NAB1: variants seen among roughly 807,000 people sequenced by gnomAD.
NAB1 encodes the protein NGFI-A-binding protein 1.
Under a neutral mutation model 49.9 loss-of-function variants are expected in NAB1, and 25 were observed. The observed-to-expected ratio is 0.50, with a 90% confidence interval of 0.37 to 0.70. NAB1 has a LOEUF of 0.70. Among genes scored for constraint, NAB1 ranks in the 30% least tolerant of loss-of-function variants. The pLI, the probability that NAB1 is intolerant of heterozygous loss-of-function variation, is 0.00. For missense variants in NAB1, 489 were observed against 575.9 expected, an observed-to-expected ratio of 0.85 and a Z score of 1.54; for synonymous variants, 198 against 215.6, an observed-to-expected ratio of 0.92 and a Z score of 0.71.
At position 190,679,236 on chromosome 2, in the gene NAB1, T is replaced by C. The variant is rs3771317; in HGVS notation, c.1006-4502T>C. ...AGTTTCTTGGGAATGTTCTTACTTT[T>C]ATTTCTAAGTCATATATTTTGGGGA... On this transcript the variant is annotated intron_variant, in intron 6 of 9. Coordinates refer to ENST00000337386, the MANE Select transcript of NAB1 (RefSeq NM_005966.4). The surrounding 1 kb of genome is among the most constrained non-coding windows in gnomAD (Gnocchi z 5.3). Among the ~76,000 whole-genome samples the C allele has an allele frequency of 0.19, 29,006 of 152,152 alleles. 3,407 individuals are homozygous for C. The highest frequency in any genetic ancestry group is 0.41 in the East Asian group (2,136 of 5,172).
chr2:190,664,382 C>T (rs1279672334), intron 4 of NAB1, among the ~76,000 whole-genome samples: 1 of 149,850 alleles, frequency 6.7e-6, no homozygotes, highest in Non-Finnish European at 1.5e-5. Context: ...TTCACTTTGT[C>T]ACCCTAGCTG....
At position 190,655,959 on chromosome 2, in the gene NAB1, T is replaced by C. The variant is rs916013628; in HGVS notation, c.-196-18T>C. The C allele has an allele frequency of 6.6e-6, 1 of 152,240 alleles. No individual in the cohort carries two copies. Among genetic ancestry groups the C allele is most frequent in the Non-Finnish European group, 1.5e-5 (1 of 68,052 alleles). The allele number at this position is 152,240 out of a possible 1,614,324, so 9.4% of individuals were successfully genotyped here. On this transcript the variant is annotated intron_variant, in intron 2 of 9. Transcript: ENST00000337386. ...TTTAATTCCTCTTCCCCTAACATCA[T>C]TGGGATTCTTTTTATAGGACTGAGC... is the stretch of plus-strand genomic sequence containing the variant.
Position 190,649,659 on chromosome 2 carries a change from G to C in NAB1, c.-333-187G>C, listed in dbSNP as rs539401681. ...GGTGCCGAGTCCGTTTTGCTAACGG[G>C]GCTGGGGGCGTCACACGGCGCTCTG... On this transcript the variant is annotated intron_variant, in intron 1 of 9. Coordinates refer to ENST00000337386, the MANE Select transcript of NAB1 (RefSeq NM_005966.4). The surrounding 1 kb of genome is among the most constrained non-coding windows in gnomAD (Gnocchi z 6.1). The C allele has an allele frequency of 6.6e-6, 1 of 152,230 alleles. No individual in the cohort carries two copies. The highest frequency in any genetic ancestry group is 6.5e-5 in the Admixed American group (1 of 15,284). The allele number at this position is 152,230 out of a possible 1,614,324, so 9.4% of individuals were successfully genotyped here.
At chr2:190,661,249 G>T (rs192679018) in intron 4 of NAB1, among the ~76,000 whole-genome samples, 9 of 152,210 alleles carry the variant, frequency 5.9e-5, no homozygotes, top group African/African-American at 2.2e-4. Context: ...TTAAATAAAT[G>T]ATTTTAGACA....
chr2:190,664,863 T>G (rs1245879184), intron 4 of NAB1, among the ~76,000 whole-genome samples: 1 of 152,092 alleles, frequency 6.6e-6, no homozygotes, highest in Non-Finnish European at 1.5e-5. Flanking sequence ...GTTTTTTAAC[T>G]GGAATATTTG....
chr2:190,656,283 A>C (rs1693915825), intron 3 of NAB1, 130 bp downstream of exon 3: 1 of 152,202 alleles, frequency 6.6e-6, no homozygotes, highest in South Asian at 2.1e-4. Flanking sequence ...GACTTATTTG[A>C]CCTTCATGTT....
At position 190,685,750 on chromosome 2, in the gene NAB1, G is replaced by C; in HGVS notation, c.1258+112G>C. ...GATATTTTGTAGAGATTATTTTACAGGTTCTCTTATCAAAATTATTTTTTG... is the reference window on the plus strand; with the variant it reads ...GATATTTTGTAGAGATTATTTTACACGTTCTCTTATCAAAATTATTTTTTG... On this transcript the variant is annotated intron_variant, in intron 8 of 9. Transcript: ENST00000337386. The surrounding 1 kb of genome is among the most constrained non-coding windows in gnomAD (Gnocchi z 4.5). 1 of 842,422 alleles carries C rather than the reference G, an allele frequency of 1.2e-6. No individual in the cohort carries two copies. The highest frequency in any genetic ancestry group is 1.6e-6 in the Non-Finnish European group (1 of 614,076). The allele number at this position is 842,422 out of a possible 1,614,324, so 52.2% of individuals were successfully genotyped here.
chr2:190,685,044 T>TA lies in NAB1; in HGVS notation c.1096-431dup, dbSNP rs1328570103. Among the ~76,000 whole-genome samples, 1 of 152,218 alleles carries TA rather than the reference T, an allele frequency of 6.6e-6. No individual in the cohort carries two copies. The highest frequency in any genetic ancestry group is 1.5e-5 in the Non-Finnish European group (1 of 68,026). On this transcript the variant is annotated intron_variant, in intron 7 of 9. Coordinates refer to ENST00000337386, the MANE Select transcript of NAB1 (RefSeq NM_005966.4). The surrounding 1 kb of genome is among the most constrained non-coding windows in gnomAD (Gnocchi z 4.5). ...TTTTACACCTTTTCTCCCCCAAACA[T>TA]ATTGTCATCATATCAGAGTCTGTGT...
rs974274579 is a variant in NAB1, at chr2:190,652,242, C to A, written c.-197+2260C>A. ...TCAATACATTGTATTTAGGGGGTGACCCATTAATTTGCATGGTATATTAAT... is the reference window on the plus strand; with the variant it reads ...TCAATACATTGTATTTAGGGGGTGAACCATTAATTTGCATGGTATATTAAT... On this transcript the variant is annotated intron_variant, in intron 2 of 9. Transcript: ENST00000337386. This position sits in a 1 kb window ranked among gnomAD's most constrained non-coding sequence, Gnocchi z 4.2. 1.3e-5 allele frequency among the ~76,000 whole-genome samples: 2 copies of A among 152,100 alleles called. No individual in the cohort carries two copies.
chr2:190,680,837 A>G lies in NAB1; in HGVS notation c.1006-2901A>G, dbSNP rs181721826. ...TCTGGTGGCTTTTTGGATGAACTTA[A>G]CAGATATCAGTAACAAACATTTATC... On this transcript the variant is annotated intron_variant, in intron 6 of 9. Coordinates refer to ENST00000337386, the MANE Select transcript of NAB1 (RefSeq NM_005966.4). The surrounding 1 kb of genome is among the most constrained non-coding windows in gnomAD (Gnocchi z 5.2). Among the ~76,000 whole-genome samples the G allele has an allele frequency of 1.4e-3, 208 of 152,338 alleles. No homozygotes were observed. The highest frequency in any genetic ancestry group is 2.4e-3 in the Non-Finnish European group (164 of 68,026).
Position 190,651,125 on chromosome 2 carries a change from CCTG to C in NAB1, c.-197+1146_-197+1148del, listed in dbSNP as rs1693645849. On this transcript the variant is annotated intron_variant, in intron 2 of 9. Coordinates refer to ENST00000337386, the MANE Select transcript of NAB1 (RefSeq NM_005966.4). The surrounding 1 kb of genome is among the most constrained non-coding windows in gnomAD (Gnocchi z 4.3). ...AACTGTAGATTTTTATTTTATTCTG[CCTG>C]CTAATTATGGATGTAATTCAAATGA... is the stretch of plus-strand genomic sequence containing the variant. Among the ~76,000 whole-genome samples, 5 of 152,036 alleles carry C rather than the reference CCTG, an allele frequency of 3.3e-5. No homozygotes were observed. The highest frequency in any genetic ancestry group is 3.3e-4 in the Admixed American group (5 of 15,274).
chr2:190,665,115 TATTAA>T (rs1172373168), intron 4 of NAB1, among the ~76,000 whole-genome samples: 5 of 152,272 alleles, frequency 3.3e-5, no homozygotes, highest in Middle Eastern at 3.4e-3. Context: ...TTATTTGGGG[TATTAA>T]ATTCTATAAT....
Position 190,684,198 on chromosome 2 carries a change from TCAAC to T in NAB1, c.1095+372_1095+375del, listed in dbSNP as rs1283541113. The stretch of plus-strand genomic sequence containing the variant: ...CTAGTTCTCAATAAAATATTAATAG[TCAAC>T]ATTGTAATTATTGTTAAATCTTTTA... On this transcript the variant is annotated intron_variant, in intron 7 of 9. Coordinates refer to ENST00000337386, the MANE Select transcript of NAB1 (RefSeq NM_005966.4). The surrounding 1 kb of genome is among the most constrained non-coding windows in gnomAD (Gnocchi z 4.6). Among the ~76,000 whole-genome samples the T allele has an allele frequency of 6.6e-6, 1 of 152,236 alleles. No homozygotes were observed. The highest frequency in any genetic ancestry group is 1.5e-5 in the Non-Finnish European group (1 of 68,038).
chr2:190,654,256 G>T lies in NAB1; in HGVS notation c.-196-1721G>T, dbSNP rs959082573. On this transcript the variant is annotated intron_variant, in intron 2 of 9. Coordinates refer to ENST00000337386, the MANE Select transcript of NAB1 (RefSeq NM_005966.4). The surrounding 1 kb of genome is among the most constrained non-coding windows in gnomAD (Gnocchi z 5.6). ...GCCATGACTCCTTCACAGCTGCACAGCATTTACCACATTGTTTAAGTCTCT... is the reference window on the plus strand; with the variant it reads ...GCCATGACTCCTTCACAGCTGCACATCATTTACCACATTGTTTAAGTCTCT... Among the ~76,000 whole-genome samples the T allele has an allele frequency of 2.0e-5, 3 of 152,214 alleles. No homozygotes were observed. Among genetic ancestry groups the T allele is most frequent in the Admixed American group, 2.0e-4 (3 of 15,276 alleles).
Position 190,651,427 on chromosome 2 carries a change from G to T in NAB1, c.-197+1445G>T, listed in dbSNP as rs1693664184. On this transcript the variant is annotated intron_variant, in intron 2 of 9. Coordinates refer to ENST00000337386, the MANE Select transcript of NAB1 (RefSeq NM_005966.4). This position sits in a 1 kb window ranked among gnomAD's most constrained non-coding sequence, Gnocchi z 4.3. ...CTATTGGTTTATTAAAGATTTTGGG[G>T]GTTTGCACTGTGGATGCTTCTTTGA... 6.6e-6 allele frequency among the ~76,000 whole-genome samples: 1 copy of T among 152,078 alleles called. No homozygotes were observed. The highest frequency in any genetic ancestry group is 1.5e-5 in the Non-Finnish European group (1 of 68,010).
At position 190,674,644 on chromosome 2, in the gene NAB1, A is replaced by G. The variant is rs940362238; in HGVS notation, c.1005+1492A>G. 6.6e-6 allele frequency among the ~76,000 whole-genome samples: 1 copy of G among 152,250 alleles called. No individual in the cohort carries two copies. Among genetic ancestry groups the G allele is most frequent in the African/African-American group, 2.4e-5 (1 of 41,466 alleles). ...ATAGGCACTTAATAAAATCTATAGA[A>G]TGAAATAATGAATGGCTGCAGATAA... On this transcript the variant is annotated intron_variant, in intron 6 of 9. Coordinates refer to ENST00000337386, the MANE Select transcript of NAB1 (RefSeq NM_005966.4). This position sits in a 1 kb window ranked among gnomAD's most constrained non-coding sequence, Gnocchi z 5.7.
chr2:190,653,089 C>T (rs747210725), intron 2 of NAB1, among the ~76,000 whole-genome samples: 7 of 152,200 alleles, frequency 4.6e-5, no homozygotes, highest in Non-Finnish European at 7.3e-5. Flanking sequence ...CACAGAGGCT[C>T]ATCCTTCCCT....
chr2:190,661,727 A>G (rs539216637), intron 4 of NAB1, among the ~76,000 whole-genome samples: 1 of 152,338 alleles, frequency 6.6e-6, no homozygotes, highest in South Asian at 2.1e-4. Flanking sequence ...CTCAAAATGA[A>G]TGCCAGTAGG....
rs1409675022 is a variant in NAB1, at chr2:190,678,277, T to A, written c.1005+5125T>A. Among the ~76,000 whole-genome samples, 4 of 152,224 alleles carry A rather than the reference T, an allele frequency of 2.6e-5. No homozygotes were observed. Among genetic ancestry groups the A allele is most frequent in the East Asian group, 3.8e-4 (2 of 5,202 alleles). On this transcript the variant is annotated intron_variant, in intron 6 of 9. Transcript: ENST00000337386. The surrounding 1 kb of genome is among the most constrained non-coding windows in gnomAD (Gnocchi z 4.9). The stretch of plus-strand genomic sequence containing the variant: ...TCTCTTGTCTTCTCCTAAATTTTTT[T>A]AAATGTTAGTTAAAAGTGAATTCAA...
Sources: gnomAD v4.1 joint callset for allele counts (sites outside exome capture counted in the v4.1 genomes callset) on GRCh38, gnomAD v4.1.1 for gene constraint, Gnocchi (gnomAD v3.1) non-coding constraint, MANE v1.5 for transcripts, NCBI Gene and HGNC (gene_info 2026-07-23, HGNC 2026-07-21) for gene names.